The following ACADSB variants were observed in gnomAD, a reference collection of about 807,000 sequenced individuals.
ACADSB encodes short/branched chain specific acyl-CoA dehydrogenase, mitochondrial.
A neutral mutation model predicts 54.1 loss-of-function variants in ACADSB; 40 were observed. The observed-to-expected ratio is 0.74, with a 90% confidence interval of 0.57 to 0.96. ACADSB has a LOEUF of 0.96. Among genes scored for constraint, ACADSB ranks in the 40% least tolerant of loss-of-function variants. ACADSB has a pLI of 0.00. For missense variants in ACADSB, 530 were observed against 510.4 expected (o/e 1.04, Z -0.37); for synonymous variants, 182 against 182.8 (o/e 1.00, Z 0.03).
intron 1 of ACADSB, among the ~76,000 whole-genome samples, chr10:123,029,025 G>A (rs895961942): frequency 1.3e-5 from 2 of 152,040 alleles, no homozygotes; most frequent in African/African-American, 2.4e-5. Context: ...GGTTAGTCAA[G>A]TGAAGCAATA....
intron 8 of ACADSB, among the ~76,000 whole-genome samples, chr10:123,049,165 AT>A (rs1850597331): frequency 6.6e-6 from 1 of 152,242 alleles, no homozygotes; most frequent in Non-Finnish European, 1.5e-5. Flanking sequence ...TTATAGCTGT[AT>A]AATGCTTTGA....
Position 123,052,636 on chromosome 10 carries a change from C to T in ACADSB, c.1129-425C>T. On this transcript the variant is annotated intron_variant, in intron 9 of 10. Coordinates refer to ENST00000358776, the MANE Select transcript of ACADSB (RefSeq NM_001609.4). The surrounding 1 kb of genome is among the most constrained non-coding windows in gnomAD (Gnocchi z 4.2). ...GGGCCATTCTGCAGGGTCTCTCGCT[C>T]CTCCATTCTCTTTTCACATTTCACC... The T allele has an allele frequency of 3.8e-6, 1 of 265,246 alleles. No individual in the cohort carries two copies. The highest frequency in any genetic ancestry group is 7.3e-6 in the Non-Finnish European group (1 of 136,356). The allele number at this position is 265,246 out of a possible 1,614,324, so 16.4% of individuals were successfully genotyped here.
chr10:123,040,178 T>C (rs898392018), intron 3 of ACADSB, among the ~76,000 whole-genome samples: 7 of 102,342 alleles, frequency 6.8e-5, no homozygotes, highest in African/African-American at 9.4e-5. Flanking sequence ...AAACCCCATC[T>C]CTACTAAAAA....
chr10:123,049,001 C>T (rs1045074441), intron 8 of ACADSB, among the ~76,000 whole-genome samples: 20 of 152,182 alleles, frequency 1.3e-4, no homozygotes, highest in African/African-American at 4.3e-4. Flanking sequence ...CAGGCGTGAG[C>T]CACTGCGCCC....
At chr10:123,039,046 A>G (rs1190727576) in intron 3 of ACADSB, among the ~76,000 whole-genome samples, 1 of 152,222 alleles carries the variant, frequency 6.6e-6, no homozygotes, top group African/African-American at 2.4e-5. Flanking sequence ...ACTCCTGTGC[A>G]GATGCAGCCT....
intron 1 of ACADSB, among the ~76,000 whole-genome samples, chr10:123,014,998 T>C (rs1272862471): frequency 6.6e-6 from 1 of 152,234 alleles, no homozygotes; most frequent in East Asian, 1.9e-4. Flanking sequence ...AGCTGATAGC[T>C]GCCAAGCAGT....
intron 6 of ACADSB, among the ~76,000 whole-genome samples, chr10:123,043,896 C>T (rs1338927793): frequency 6.6e-6 from 1 of 152,056 alleles, no homozygotes; most frequent in East Asian, 1.9e-4. Flanking sequence ...GCATTTTAGT[C>T]TGTTTCTTCT....
At chr10:123,009,854 A>G (rs1268795624) in intron 1 of ACADSB, among the ~76,000 whole-genome samples, 1 of 152,186 alleles carries the variant, frequency 6.6e-6, no homozygotes, top group East Asian at 1.9e-4. Flanking sequence ...GAACATACAC[A>G]TTTGGATACA....
intron 5 of ACADSB, among the ~76,000 whole-genome samples, chr10:123,041,680 C>T (rs1472269391): frequency 1.3e-5 from 2 of 152,176 alleles, no homozygotes; most frequent in African/African-American, 2.4e-5. Flanking sequence ...CTTGAATTTG[C>T]TTTGTGCCAA....
rs4980245 is a variant in ACADSB, at chr10:123,034,081, A to G, written c.43-275A>G. ...GTCAGTGAAATGTGAAATACATTGGAGAATGAAATTTTTTGAGAAAGTTCT... is the reference window on the plus strand; with the variant it reads ...GTCAGTGAAATGTGAAATACATTGGGGAATGAAATTTTTTGAGAAAGTTCT... On this transcript the variant is annotated intron_variant, in intron 1 of 10. Coordinates refer to ENST00000358776, the MANE Select transcript of ACADSB (RefSeq NM_001609.4). Among the ~76,000 whole-genome samples, 19,647 of 152,284 alleles carry G rather than the reference A, an allele frequency of 0.13. 1,392 individuals carry two copies. The highest frequency in any genetic ancestry group is 0.21 in the Middle Eastern group (63 of 294).
intron 2 of ACADSB, 32 bp from the exon 3 acceptor site, chr10:123,037,715 C>T (rs770237530): frequency 6.8e-7 from 1 of 1,465,258 alleles, no homozygotes; most frequent in African/African-American, 1.4e-5. Flanking sequence ...GTCACTTTAA[C>T]ATAGACTTAT....
At chr10:123,018,805 G>GATCAGATCTTGTGAGACTTATTCACT (rs1564746491) in intron 1 of ACADSB, among the ~76,000 whole-genome samples, 1 of 152,096 alleles carries the variant, frequency 6.6e-6, no homozygotes, top group Admixed American at 6.6e-5. Flanking sequence ...TTTATAAAAC[G>GATCAGATCTTGTGAGACTTATTCACT]ATCAGATCTT....
intron 10 of ACADSB, 90 bp downstream of exon 10, chr10:123,053,250 TA>T: frequency 1.9e-6 from 2 of 1,068,950 alleles, no homozygotes; most frequent in Non-Finnish European, 1.4e-6. Context: ...TTTTCCTAGG[TA>T]AAAGCAATTT....
At chr10:123,048,325 C>T (rs1481458133) in intron 8 of ACADSB, among the ~76,000 whole-genome samples, 1 of 152,222 alleles carries the variant, frequency 6.6e-6, no homozygotes, top group African/African-American at 2.4e-5. Flanking sequence ...TGGCCAGTGC[C>T]TACCACAGCC....
At chr10:123,053,589 C>A in intron 10 of ACADSB, 106 bp from the exon 11 acceptor site, 1 of 930,864 alleles carries the variant, frequency 1.1e-6, no homozygotes, top group South Asian at 1.3e-5. Context: ...AGTGATGTGA[C>A]TAGTAACTGT....
intron 5 of ACADSB, among the ~76,000 whole-genome samples, chr10:123,041,966 CTT>C (rs373340179): frequency 9.8e-5 from 13 of 132,664 alleles, no homozygotes; most frequent in South Asian, 2.4e-4. Context: ...TTTTTCTTTT[CTT>C]TTTTTTTTTT....
chr10:123,013,323 G>A (rs1330198675), intron 1 of ACADSB, among the ~76,000 whole-genome samples: 6 of 152,236 alleles, frequency 3.9e-5, no homozygotes, highest in African/African-American at 1.4e-4. Context: ...GGTGCTGATT[G>A]GTGTGTTCAC....
chr10:123,027,522 T>C (rs1313933186), intron 1 of ACADSB: 1 of 455,462 alleles, frequency 2.2e-6, no homozygotes, highest in Non-Finnish European at 4.4e-6. Flanking sequence ...TCTCATTTTC[T>C]GCTGCTGCTA....
rs1850695966 is a variant in ACADSB at position 123,055,568 on chromosome 10, A to C, written c.*1803A>C. 6.6e-6 allele frequency: 1 copy of C among 152,224 alleles called. No homozygotes were observed. The highest frequency in any genetic ancestry group is 1.5e-5 in the Non-Finnish European group (1 of 68,056). 9.4% of individuals were successfully genotyped at this position (152,224 alleles called of 1,614,324 possible). On this transcript the variant is annotated 3_prime_UTR_variant, in exon 11 of 11. Transcript: ENST00000358776. ...CAACAGTCCCCCAAAGTCTTAACTCATTTCAGCATTAACCCAAAAGTCCGC... is the reference window on the plus strand; with the variant it reads ...CAACAGTCCCCCAAAGTCTTAACTCCTTTCAGCATTAACCCAAAAGTCCGC...
Sources: allele counts gnomAD v4.1 joint callset (sites outside exome capture counted in the v4.1 genomes callset), GRCh38; gene constraint gnomAD v4.1.1; non-coding constraint Gnocchi (gnomAD v3.1); transcripts MANE v1.5; gene names NCBI Gene and HGNC (gene_info 2026-07-23, HGNC 2026-07-21).